Variants in RARB observed in about 807,000 individuals in gnomAD.
RARB encodes HBV-activated protein.
RARB carries 17 observed loss-of-function variants against 51.9 expected under a neutral mutation model. The ratio of observed to expected loss-of-function variants is 0.33; its 90% CI spans 0.22 to 0.49. RARB has a LOEUF of 0.49. Among genes scored for constraint, RARB ranks in the 20% least tolerant of loss-of-function variants. The pLI is 0.99. For missense variants in RARB, 369 were observed against 550.8 expected, an observed-to-expected ratio of 0.67 and a Z score of 3.30; for synonymous variants, 215 against 195.4, an observed-to-expected ratio of 1.10 and a Z score of -0.84.
At chr3:25,525,565 C>G (rs1227862767) in intron 3 of RARB, among the ~76,000 whole-genome samples, 1 of 152,096 alleles carries the variant, frequency 6.6e-6, no homozygotes. Context: ...CTTTCAACAA[C>G]CAGTATTTAT....
rs1237934248 is a variant in RARB at position 25,428,447 on chromosome 3, G to A, written c.-285G>A. 24 of 1,263,436 alleles carry A rather than the reference G, an allele frequency of 1.9e-5. No individual in the cohort carries two copies. The highest frequency in any genetic ancestry group is 2.4e-5 in the Non-Finnish European group (24 of 1,006,118). The allele number at this position is 1,263,436 out of a possible 1,614,324, so 78.3% of individuals were successfully genotyped here. A position where few individuals can be genotyped will look rare whatever the true frequency, so the allele number is the denominator to read the frequency against. On this transcript the variant is annotated 5_prime_UTR_variant, in exon 1 of 8. Transcript: ENST00000330688. Reference sequence around the variant, plus strand: ...CCGGAACGCATTCGGAAGGCTTTTTGCAAGCATTTACTTGGAAGGAGAACT... The same window carrying A: ...CCGGAACGCATTCGGAAGGCTTTTTACAAGCATTTACTTGGAAGGAGAACT...
At chr3:25,418,603 G>C (rs1707771444) in intron 5 of RARB, among the ~76,000 whole-genome samples, 1 of 150,476 alleles carries the variant, frequency 6.6e-6, no homozygotes, top group African/African-American at 2.5e-5. Context: ...CATCTCAACA[G>C]GTGTGAAAGA....
chr3:25,488,373 G>T (rs976347935), intron 2 of RARB, among the ~76,000 whole-genome samples: 2 of 152,176 alleles, frequency 1.3e-5, no homozygotes, highest in African/African-American at 2.4e-5. Context: ...TCATCCACAG[G>T]CTGATGCTTA....
intron 3 of RARB, among the ~76,000 whole-genome samples, chr3:25,126,462 A>C (rs928959354): frequency 6.6e-6 from 1 of 151,548 alleles, no homozygotes; most frequent in African/African-American, 2.4e-5. Context: ...TTTAAAGGTC[A>C]CTAATGCTAA....
intron 5 of RARB, among the ~76,000 whole-genome samples, chr3:25,347,799 T>C (rs1194037108): frequency 6.6e-6 from 1 of 152,184 alleles, no homozygotes; most frequent in African/African-American, 2.4e-5. Context: ...TTCACACATG[T>C]TCATCATTGC....
chr3:24,836,877 C>G (rs1702351997), intron 1 of RARB, among the ~76,000 whole-genome samples: 1 of 152,092 alleles, frequency 6.6e-6, no homozygotes, highest in African/African-American at 2.4e-5. Flanking sequence ...TGGATGCTGA[C>G]CTAGATTTTT....
intron 3 of RARB, among the ~76,000 whole-genome samples, chr3:25,113,206 A>G (rs1283198452): frequency 6.6e-6 from 1 of 152,048 alleles, no homozygotes; most frequent in African/African-American, 2.4e-5. Flanking sequence ...TCTGGTACCA[A>G]TTGTTTCAAT....
rs1294774936 is a variant in RARB, at chr3:24,958,259, T to TGTTTTTTTG, written c.-380+99507_-380+99508insGTTTTTTTG. On this transcript the variant is annotated intron_variant, in intron 2 of 11. Coordinates refer to the RARB transcript ENST00000383772. ...GAAGCTTCCTGAGCTGCTCAGGTTT[T>TGTTTTTTTG]TTTTTTTTTTTTTTTTTTTTTTTTT... Among the ~76,000 whole-genome samples, 5 of 75,114 alleles carry TGTTTTTTTG rather than the reference T, an allele frequency of 6.7e-5. No individual in the cohort carries two copies. The East Asian group carries it at 1.9e-3, about 29-fold the overall frequency. The allele number at this position is 75,114 out of a possible 152,430, so 49.3% of individuals were successfully genotyped here.
chr3:25,564,315 C>A (rs745878858), intron 3 of RARB, among the ~76,000 whole-genome samples: 1 of 152,150 alleles, frequency 6.6e-6, no homozygotes, highest in South Asian at 2.1e-4. Flanking sequence ...TAGCACTTAG[C>A]CCCTCACAAG....
intron 4 of RARB, among the ~76,000 whole-genome samples, chr3:25,144,847 GAAC>G (rs1197086707): frequency 3.9e-5 from 6 of 152,190 alleles, no homozygotes; most frequent in African/African-American, 1.4e-4. Context: ...TTCAATAAAT[GAAC>G]AATAAATGAA....
intron 2 of RARB, among the ~76,000 whole-genome samples, chr3:24,862,954 G>A (rs888582408): frequency 3.9e-5 from 6 of 152,206 alleles, no homozygotes; most frequent in African/African-American, 1.2e-4. Context: ...TGGGAATTGT[G>A]AGGCAAACTT....
chr3:25,057,746 T>G (rs1282362807), intron 2 of RARB, among the ~76,000 whole-genome samples: 1 of 152,026 alleles, frequency 6.6e-6, no homozygotes, highest in Non-Finnish European at 1.5e-5. Flanking sequence ...CATTCAGACT[T>G]ACTAGAAGAA....
intron 5 of RARB, among the ~76,000 whole-genome samples, chr3:25,319,577 C>T (rs564375436): frequency 1.7e-4 from 26 of 152,302 alleles, no homozygotes; most frequent in African/African-American, 5.8e-4. Flanking sequence ...TAAAAACCCA[C>T]GAATGAGGGT....
chr3:25,056,253 C>T (rs567244334), intron 2 of RARB, among the ~76,000 whole-genome samples: 2 of 152,130 alleles, frequency 1.3e-5, no homozygotes, highest in East Asian at 1.9e-4. Flanking sequence ...AAACAGATAA[C>T]CTTAGTGAGA....
At chr3:25,559,186 A>C (rs1487559097) in intron 3 of RARB, among the ~76,000 whole-genome samples, 1 of 152,186 alleles carries the variant, frequency 6.6e-6, no homozygotes, top group South Asian at 2.1e-4. Flanking sequence ...CCCTTCATCC[A>C]GAATGTCTCC....
chr3:24,981,791 C>A (rs1696680285), intron 2 of RARB, among the ~76,000 whole-genome samples: 2 of 152,184 alleles, frequency 1.3e-5, no homozygotes, highest in African/African-American at 4.8e-5. Flanking sequence ...ATGTGCTGTA[C>A]CCACTGTCCA....
At chr3:24,893,912 G>C (rs1402564997) in intron 2 of RARB, among the ~76,000 whole-genome samples, 1 of 152,130 alleles carries the variant, frequency 6.6e-6, no homozygotes, top group East Asian at 1.9e-4. Context: ...TAAAGCCAGT[G>C]ACTACAAAAG....
At chr3:25,584,474 A>T (rs1405207919) in intron 5 of RARB, among the ~76,000 whole-genome samples, 1 of 152,166 alleles carries the variant, frequency 6.6e-6, no homozygotes, top group Non-Finnish European at 1.5e-5. Context: ...ACAATTTCCC[A>T]GTGTTTCCCA....
chr3:25,324,605 C>A, intron 5 of RARB: 1 of 170,734 alleles, frequency 5.9e-6, no homozygotes. Flanking sequence ...ACGACCGCAC[C>A]TTTGCAGAGA....
Sources: allele counts gnomAD v4.1 joint callset (sites outside exome capture counted in the v4.1 genomes callset), GRCh38; gene constraint gnomAD v4.1.1; transcripts MANE v1.5; gene names NCBI Gene and HGNC (gene_info 2026-07-23, HGNC 2026-07-21).